EEFSEC: variants seen among roughly 807,000 people sequenced by gnomAD.
The protein encoded by EEFSEC is selenocysteine-specific elongation factor.
In EEFSEC, 43 loss-of-function variants were observed where a neutral mutation model predicts 42.1. That is an observed-to-expected ratio of 1.02 (90% CI 0.80 to 1.32). The LOEUF (loss-of-function observed/expected upper bound fraction) is 1.32, where lower values mean the gene tolerates loss of function less well. Among genes scored for constraint, EEFSEC ranks in the 40% most tolerant of loss-of-function variants. EEFSEC has a pLI of 0.00. For missense variants in EEFSEC, 745 were observed against 803.6 expected, an observed-to-expected ratio of 0.93 and a Z score of 0.88; for synonymous variants, 354 against 339.1, an observed-to-expected ratio of 1.04 and a Z score of -0.48.
intron 1 of EEFSEC, among the ~76,000 whole-genome samples, chr3:128,243,466 AG>A (rs1336002871): frequency 6.6e-6 from 1 of 152,256 alleles, no homozygotes; most frequent in Non-Finnish European, 1.5e-5. Flanking sequence ...CGACTGTTGA[AG>A]AAGAGGAACA....
At chr3:128,245,736 A>T (rs917301985) in intron 1 of EEFSEC, among the ~76,000 whole-genome samples, 1 of 152,176 alleles carries the variant, frequency 6.6e-6, no homozygotes, top group African/African-American at 2.4e-5. Flanking sequence ...ACCTAGACCC[A>T]TGTCTGTGAG....
chr3:128,159,888 T>C (rs1944449298), intron 1 of EEFSEC, among the ~76,000 whole-genome samples: 1 of 152,244 alleles, frequency 6.6e-6, no homozygotes, highest in Admixed American at 6.5e-5. Context: ...CCCTTTTCAC[T>C]ACCTGACGTT....
chr3:128,262,081 A>G (rs765545914), intron 2 of EEFSEC, 47 bp from the exon 3 acceptor site: 6 of 1,580,024 alleles, frequency 3.8e-6, no homozygotes, highest in African/African-American at 1.3e-5. Flanking sequence ...CTTTGTGTCC[A>G]TGTTGCTGAT....
intron 1 of EEFSEC, among the ~76,000 whole-genome samples, chr3:128,205,993 T>G (rs2065693075): frequency 6.6e-6 from 1 of 152,244 alleles, no homozygotes; most frequent in African/African-American, 2.4e-5. Flanking sequence ...CTTTTTCAAG[T>G]TAAAATAACG....
intron 1 of EEFSEC, among the ~76,000 whole-genome samples, chr3:128,156,056 A>G (rs1944375880): frequency 6.6e-6 from 1 of 152,248 alleles, no homozygotes; most frequent in Admixed American, 6.5e-5. Context: ...CAGAGGTTAA[A>G]AAATGAGATG....
chr3:128,271,407 ATT>A (rs2066411432), intron 4 of EEFSEC, among the ~76,000 whole-genome samples: 1 of 152,038 alleles, frequency 6.6e-6, no homozygotes, highest in Non-Finnish European at 1.5e-5. Flanking sequence ...ATCCTGAACT[ATT>A]TTCTGTTCCA....
rs57350724 is a variant in EEFSEC at position 128,369,445 on chromosome 3, T to A, written c.1600+11072T>A. On this transcript the variant is annotated intron_variant, in intron 6 of 6. Coordinates refer to ENST00000254730, the MANE Select transcript of EEFSEC (RefSeq NM_021937.5). ...GGAGCAGATTCTGGGGCAACCCCAATAACCTGTCCTTGGGATTTCATTAGC... is the reference window on the plus strand; with the variant it reads ...GGAGCAGATTCTGGGGCAACCCCAAAAACCTGTCCTTGGGATTTCATTAGC... Among the ~76,000 whole-genome samples the A allele has an allele frequency of 9.3e-4, 141 of 152,348 alleles. 1 individual carries two copies. The highest frequency in any genetic ancestry group is 3.3e-3 in the African/African-American group (137 of 41,582).
At chr3:128,371,132 G>A (rs1228132044) in intron 6 of EEFSEC, among the ~76,000 whole-genome samples, 1 of 152,128 alleles carries the variant, frequency 6.6e-6, no homozygotes, top group Admixed American at 6.5e-5. Context: ...AAAAGCAATG[G>A]AATTCTTTGT....
At chr3:128,396,864 C>T (rs2107630664) in intron 6 of EEFSEC, among the ~76,000 whole-genome samples, 1 of 152,320 alleles carries the variant, frequency 6.6e-6, no homozygotes, top group South Asian at 2.1e-4. Flanking sequence ...CTGGCTGGTG[C>T]CCATTTTTGG....
rs538690255 is a variant in EEFSEC at position 128,400,502 on chromosome 3, G to C, written c.1601-7567G>C. On this transcript the variant is annotated intron_variant, in intron 6 of 6. Coordinates refer to ENST00000254730, the MANE Select transcript of EEFSEC (RefSeq NM_021937.5). ...ATCACCAGGATGCTGACCCCAAAGA[G>C]ATCCCCTGCCCCTGGCTCTGGCTCT... is the stretch of plus-strand genomic sequence containing the variant. Among the ~76,000 whole-genome samples, 46 of 152,316 alleles carry C rather than the reference G, an allele frequency of 3.0e-4. No individual in the cohort carries two copies. The East Asian group carries it at 8.5e-3, about 28-fold the overall frequency.
rs1265017307 is a variant in EEFSEC, at chr3:128,405,964, C to T, written c.1601-2105C>T. On this transcript the variant is annotated intron_variant, in intron 6 of 6. Coordinates refer to ENST00000254730, the MANE Select transcript of EEFSEC (RefSeq NM_021937.5). ...CCCTCAGTGCCTTCATACCCAGCTG[C>T]CCCTAGCAGCAGTCTCAGGAGCCAC... is the stretch of plus-strand genomic sequence containing the variant. Among the ~76,000 whole-genome samples the T allele has an allele frequency of 3.3e-5, 5 of 152,244 alleles. No homozygotes were observed. The East Asian group carries it at 9.6e-4, about 29-fold the overall frequency.
chr3:128,189,021 A>G (rs1474766968), intron 1 of EEFSEC, among the ~76,000 whole-genome samples: 1 of 152,172 alleles, frequency 6.6e-6, no homozygotes, highest in African/African-American at 2.4e-5. Context: ...CTCGGTGCCC[A>G]GTACCTTTAC....
chr3:128,153,815 T>C lies in EEFSEC; in HGVS notation c.308T>C (p.Ile103Thr). 1 of 1,506,884 alleles carries C rather than the reference T, an allele frequency of 6.6e-7. No individual in the cohort carries two copies. The highest frequency in any genetic ancestry group is 8.8e-7 in the Non-Finnish European group (1 of 1,134,262). The allele number at this position is 1,506,884 out of a possible 1,614,324, so 93.3% of individuals were successfully genotyped here. The change falls in exon 1 of 7, where the codon ATC (isoleucine) becomes ACC (threonine). Residue 103 changes from isoleucine (I) to threonine (T), a missense_variant. By Grantham distance (89) the Ile-to-Thr change is moderately conservative. Coordinates refer to ENST00000254730, the MANE Select transcript of EEFSEC (RefSeq NM_021937.5). Reference sequence around the variant, plus strand: ...GGGCACGCCTCCCTCATCCGGACCATCATCGGCGGTGAGCGCGGGCCGGGG... The same window carrying C: ...GGGCACGCCTCCCTCATCCGGACCACCATCGGCGGTGAGCGCGGGCCGGGG... Reference protein sequence around the residue: ...CPGHASLIRTIIGGAQIIDLM... With the variant: ...CPGHASLIRTTIGGAQIIDLM...
At chr3:128,350,898 G>A (rs1480303256) in intron 5 of EEFSEC, among the ~76,000 whole-genome samples, 3 of 152,196 alleles carry the variant, frequency 2.0e-5, no homozygotes, top group Non-Finnish European at 4.4e-5. Context: ...GACACTGTCC[G>A]TGGGGAAAGT....
chr3:128,222,904 A>G (rs191542597), intron 1 of EEFSEC, among the ~76,000 whole-genome samples: 1 of 152,300 alleles, frequency 6.6e-6, no homozygotes, highest in East Asian at 1.9e-4. Flanking sequence ...TGTCTCTGTT[A>G]CTCATGGTGG....
chr3:128,164,743 A>G (rs1001398038), intron 1 of EEFSEC, among the ~76,000 whole-genome samples: 2 of 152,162 alleles, frequency 1.3e-5, no homozygotes, highest in Admixed American at 1.3e-4. Context: ...GTATCAGGCC[A>G]AGCTTCCAGA....
In EEFSEC at chr3:128,246,948, G is replaced by A. The variant is rs775338779; in HGVS notation, c.429G>A (p.Val143=). The change falls in exon 2 of 7, where the codon GTG becomes GTA. Residue 143 remains valine (V), a synonymous_variant. Transcript: ENST00000254730. ...IGQIACQKLV[V]VLNKIDLLPE... The stretch of plus-strand genomic sequence containing the variant: ...AGATTGCCTGCCAGAAGCTGGTCGT[G>A]GTGCTGAACAAAATAGACCTCTTAC... 11 of 1,614,080 alleles carry A rather than the reference G, an allele frequency of 6.8e-6. No individual in the cohort carries two copies. The highest frequency in any genetic ancestry group is 9.3e-6 in the Non-Finnish European group (11 of 1,180,048).
chr3:128,269,055 TG>T (rs1468376912), intron 4 of EEFSEC, among the ~76,000 whole-genome samples: 1 of 152,244 alleles, frequency 6.6e-6, no homozygotes, highest in Non-Finnish European at 1.5e-5. Context: ...CTTGGGCTTC[TG>T]GGGGCAACAT....
At chr3:128,156,890 G>A (rs1944390331) in intron 1 of EEFSEC, among the ~76,000 whole-genome samples, 1 of 152,204 alleles carries the variant, frequency 6.6e-6, no homozygotes, top group African/African-American at 2.4e-5. Flanking sequence ...GAAAGGAAGA[G>A]TTGCAAGTCT....
Sources: allele counts gnomAD v4.1 joint callset (sites outside exome capture counted in the v4.1 genomes callset), GRCh38; gene constraint gnomAD v4.1.1; transcripts MANE v1.5; gene names NCBI Gene and HGNC (gene_info 2026-07-23, HGNC 2026-07-21).